The following SPART variants were observed in gnomAD, a reference collection of about 807,000 sequenced individuals.
SPART encodes the protein spartin.
Under a neutral mutation model 58.7 loss-of-function variants are expected in SPART, and 35 were observed. The ratio of observed to expected loss-of-function variants is 0.60; its 90% CI spans 0.46 to 0.79. The LOEUF is 0.79. Among genes scored for constraint, SPART ranks in the 30% least tolerant of loss-of-function variants. The probability of loss-of-function intolerance (pLI) is 0.00; values close to 1 mark genes in which losing one functional copy is unlikely to be tolerated. For synonymous variants in SPART, 284 were observed against 280.7 expected, an observed-to-expected ratio of 1.01 and a Z score of -0.12; for missense variants, 730 against 786.1, an observed-to-expected ratio of 0.93 and a Z score of 0.85.
At position 36,335,690 on chromosome 13, in the gene SPART, C is replaced by A. The variant is rs1566133181; in HGVS notation, c.141G>T (p.Lys47Asn). 1 of 1,613,978 alleles carries A rather than the reference C, an allele frequency of 6.2e-7. No individual in the cohort carries two copies. Among genetic ancestry groups the A allele is most frequent in the African/African-American group, 1.3e-5 (1 of 74,896 alleles). The stretch of plus-strand genomic sequence containing the variant: ...CTCTGAGCAGGTGTCCTATTCCTTG[C>A]TTATAGTAGTTCTTTGCTTCTTCCT... Reference protein sequence around the residue: ...GQKEEAKNYYKQGIGHLLRGI... With the variant: ...GQKEEAKNYYNQGIGHLLRGI... The change falls in exon 2 of 9, where the codon AAG becomes AAT. Residue 47 changes from lysine to asparagine, a missense_variant. By Grantham distance (94) the Lys-to-Asn change is moderately conservative (BLOSUM62 0). Coordinates refer to ENST00000438666, the MANE Select transcript of SPART (RefSeq NM_015087.5).
chr13:36,330,930 C>T (rs1224007397), intron 3 of SPART, among the ~76,000 whole-genome samples: 3 of 152,168 alleles, frequency 2.0e-5, no homozygotes, highest in Non-Finnish European at 4.4e-5. Flanking sequence ...TCTACTAAAG[C>T]TAAAATTATC....
At chr13:36,312,121 TC>T (rs1479427069) in intron 8 of SPART, 23 bp downstream of exon 8, 1 of 1,589,736 alleles carries the variant, frequency 6.3e-7, no homozygotes, top group South Asian at 1.1e-5. Context: ...AGAGATTTAG[TC>T]ATTAAAATAA....
At chr13:36,322,001 G>A (rs1882456852) in intron 5 of SPART, among the ~76,000 whole-genome samples, 2 of 151,592 alleles carry the variant, frequency 1.3e-5, no homozygotes, top group Non-Finnish European at 2.9e-5. Context: ...CCCCACTCCT[G>A]CCCGCCAGAG....
intron 4 of SPART, among the ~76,000 whole-genome samples, chr13:36,327,453 A>G (rs1883044795): frequency 6.6e-6 from 1 of 152,246 alleles, no homozygotes; most frequent in South Asian, 2.1e-4. Flanking sequence ...TAAAATCTAA[A>G]GCTTTTCACT....
At chr13:36,310,900 T>G (rs1881021701) in intron 8 of SPART, among the ~76,000 whole-genome samples, 1 of 151,750 alleles carries the variant, frequency 6.6e-6, no homozygotes, top group South Asian at 2.1e-4. Flanking sequence ...CTCTGCTATC[T>G]CCAGACTTCC....
chr13:36,337,092 G>T (rs1409434308), intron 1 of SPART, among the ~76,000 whole-genome samples: 1 of 152,140 alleles, frequency 6.6e-6, no homozygotes, highest in Non-Finnish European at 1.5e-5. Flanking sequence ...GTGTACAGTG[G>T]TCCCCACTTA....
At chr13:36,327,871 G>A (rs2137479135) in intron 4 of SPART, among the ~76,000 whole-genome samples, 2 of 152,288 alleles carry the variant, frequency 1.3e-5, no homozygotes, top group East Asian at 1.9e-4. Context: ...GCAGGCACCT[G>A]TAATCCCAGC....
chr13:36,312,319 C>T lies in SPART; in HGVS notation c.1642G>A (p.Gly548Arg), dbSNP rs747043854. The part of the protein sequence containing the change: ...AMVVAASSVQ[G>R]FSTVWQGLEC... ...GTTAAAATTCTGGGCCCTTTGTTAC[C>T]TTGAACACTACTTGCTGCTACAACC... The change falls in exon 7 of 9, where the codon GGA becomes AGA. Residue 548 changes from glycine (G) to arginine (R), a missense_variant and splice_region_variant. Coordinates refer to ENST00000438666, the MANE Select transcript of SPART (RefSeq NM_015087.5). The T allele has an allele frequency of 6.2e-7, 1 of 1,614,004 alleles. No homozygotes were observed. The highest frequency in any genetic ancestry group is 8.5e-7 in the Non-Finnish European group (1 of 1,179,984).
chr13:36,329,501 G>T lies in SPART; in HGVS notation c.1025C>A (p.Ala342Glu), dbSNP rs757165845. The T allele has an allele frequency of 3.4e-5, 55 of 1,613,952 alleles. No homozygotes were observed. Among genetic ancestry groups the T allele is most frequent in the Non-Finnish European group, 4.5e-5 (53 of 1,180,006 alleles). ...DLRLQANWNR[A>E]EEENEFQIPG... is the part of the protein sequence containing the mutation. ...GATTTGGAATTCATTTTCTTCTTCT[G>T]CTCTGTTCCAGTTGGCCTAGAGAAT... Residue 342 changes from alanine to glutamate, a missense_variant, in exon 4 of 9, where the codon GCA becomes GAA. By Grantham distance (107) the Ala-to-Glu change is moderately radical. Transcript: ENST00000438666.
At position 36,335,697 on chromosome 13, in the gene SPART, T is replaced by C. The variant is rs1048850898; in HGVS notation, c.134A>G (p.Tyr45Cys). 1.9e-6 allele frequency: 3 copies of C among 1,614,182 alleles called. No individual in the cohort carries two copies. Among genetic ancestry groups the C allele is most frequent in the Non-Finnish European group, 2.5e-6 (3 of 1,180,006 alleles). ...CAGGTGTCCTATTCCTTGCTTATAG[T>C]AGTTCTTTGCTTCTTCCTTCTGACC... ...ELGQKEEAKN[Y>C]YKQGIGHLLR... Residue 45 changes from tyrosine (Y) to cysteine (C), a missense_variant, in exon 2 of 9, where the codon TAC becomes TGC. By Grantham distance (194) the Tyr-to-Cys change is radical (BLOSUM62 -2). Coordinates refer to ENST00000438666, the MANE Select transcript of SPART (RefSeq NM_015087.5).
chr13:36,321,650 T>C (rs1052417004), intron 5 of SPART, among the ~76,000 whole-genome samples: 5 of 151,914 alleles, frequency 3.3e-5, no homozygotes, highest in African/African-American at 7.3e-5. Flanking sequence ...TCGCCCATTC[T>C]CTCTCCATAT....
chr13:36,334,295 T>TAGCA (rs1459514630), intron 2 of SPART, among the ~76,000 whole-genome samples: 2 of 152,196 alleles, frequency 1.3e-5, no homozygotes, highest in Non-Finnish European at 2.9e-5. Flanking sequence ...AATCTTTATG[T>TAGCA]AGCACTCTTT....
At chr13:36,329,664 C>A in intron 3 of SPART, 147 bp from the exon 4 acceptor site, 1 of 800,272 alleles carries the variant, frequency 1.2e-6, no homozygotes, top group Admixed American at 2.4e-5. Context: ...GCTTTTTTCT[C>A]TACGATTCTC....
intron 1 of SPART, chr13:36,336,173 TC>T: frequency 1.1e-5 from 2 of 187,368 alleles, no homozygotes; most frequent in Admixed American, 1.1e-4. Context: ...AGAGTCTCAT[TC>T]TAAAATTCAT....
intron 2 of SPART, among the ~76,000 whole-genome samples, chr13:36,332,718 G>A (rs971750661): frequency 1.3e-5 from 2 of 152,118 alleles, no homozygotes; most frequent in Admixed American, 6.5e-5. Flanking sequence ...ACAGACATAA[G>A]CTCACATCCT....
intron 1 of SPART, among the ~76,000 whole-genome samples, chr13:36,342,557 T>C (rs993474073): frequency 2.0e-4 from 31 of 152,298 alleles, no homozygotes; most frequent in African/African-American, 7.2e-4. Context: ...GGTTGGATAA[T>C]GCTTTGTTAG....
chr13:36,351,207 C>T (rs1885395403), upstream of SPART, among the ~76,000 whole-genome samples: 1 of 151,984 alleles, frequency 6.6e-6, no homozygotes, highest in South Asian at 2.1e-4. Flanking sequence ...CAGCAGCTCA[C>T]ACCTGTAATC....
intron 8 of SPART, among the ~76,000 whole-genome samples, chr13:36,309,882 T>C (rs2137295488): frequency 6.6e-6 from 1 of 152,262 alleles, no homozygotes; most frequent in East Asian, 1.9e-4. Context: ...TCTATAATAA[T>C]AGTTGAAATT....
intron 4 of SPART, 127 bp downstream of exon 4, chr13:36,329,235 A>T: frequency 2.0e-6 from 2 of 988,822 alleles, no homozygotes; most frequent in South Asian, 1.3e-5. Context: ...TTTGCCAGTG[A>T]TCACTTTGTT....
Sources: allele counts gnomAD v4.1 joint callset (sites outside exome capture counted in the v4.1 genomes callset), GRCh38; gene constraint gnomAD v4.1.1; transcripts MANE v1.5; gene names NCBI Gene and HGNC (gene_info 2026-07-23, HGNC 2026-07-21).